EPHA3: variants seen among roughly 807,000 people sequenced by gnomAD.
EPHA3 encodes EPH receptor A3.
EPHA3 carries 42 observed loss-of-function variants against 107.1 expected under a neutral mutation model. The ratio of observed to expected loss-of-function variants is 0.39; its 90% confidence interval spans 0.31 to 0.51. The LOEUF is 0.51. Ranked by LOEUF, EPHA3 falls within the 20% of genes least tolerant of loss-of-function variation. EPHA3 has a pLI of 0.78. For synonymous variants in EPHA3, 461 were observed against 424.8 expected, an observed-to-expected ratio of 1.09 and a Z score of -1.05; for missense variants, 1,183 against 1,211.2, an observed-to-expected ratio of 0.98 and a Z score of 0.35.
At chr3:89,144,709 G>T (rs562197731) in intron 2 of EPHA3, among the ~76,000 whole-genome samples, 35 of 151,594 alleles carry the variant, frequency 2.3e-4, no homozygotes, top group Non-Finnish European at 3.7e-4. Flanking sequence ...TACTAGGCTT[G>T]CTCCTCGTTT....
intron 3 of EPHA3, among the ~76,000 whole-genome samples, chr3:89,257,204 C>G (rs1256170623): frequency 2.0e-5 from 3 of 152,186 alleles, no homozygotes; most frequent in Non-Finnish European, 4.4e-5. Flanking sequence ...CAGACCAAAA[C>G]ACTTGAGGCA....
chr3:89,151,924 A>G lies in EPHA3; in HGVS notation c.153+24651A>G, dbSNP rs548832344. On this transcript the variant is annotated intron_variant, in intron 2 of 16. Coordinates refer to ENST00000336596, the MANE Select transcript of EPHA3 (RefSeq NM_005233.6). ...TGTTTGCAATGATCCACTTACCTTT[A>G]CTCTTAGAAATAGTGAGAGGCCTTT... Among the ~76,000 whole-genome samples, 9 of 152,084 alleles carry G rather than the reference A, an allele frequency of 5.9e-5. No homozygotes were observed. In the South Asian group the frequency reaches 1.7e-3, roughly 28 times the overall value.
chr3:89,407,329 C>A lies in EPHA3; in HGVS notation c.1655C>A (p.Ala552Glu). 1 of 1,613,548 alleles carries A rather than the reference C, an allele frequency of 6.2e-7. No homozygotes were observed. Among genetic ancestry groups the A allele is most frequent in the Non-Finnish European group, 8.5e-7 (1 of 1,179,584 alleles). ...ATGATCGCCATTTCAGCGGCAGTAG[C>A]AATTATTCTCCTCACTGTTGTCATC... is the stretch of plus-strand genomic sequence containing the variant. ...VVMIAISAAV[A>E]IILLTVVIYV... Residue 552 changes from alanine to glutamate, a missense_variant, in exon 8 of 17, where the codon GCA becomes GAA. Coordinates refer to ENST00000336596, the MANE Select transcript of EPHA3 (RefSeq NM_005233.6).
chr3:89,355,237 T>A (rs1163127479), intron 5 of EPHA3, among the ~76,000 whole-genome samples: 1 of 151,226 alleles, frequency 6.6e-6, no homozygotes, highest in Admixed American at 6.6e-5. Flanking sequence ...TAAATATTCA[T>A]CTTGATCCCA....
chr3:89,480,466 C>T lies in EPHA3; in HGVS notation c.*964C>T, dbSNP rs566267247. The T allele has an allele frequency of 4.3e-6, 1 of 233,318 alleles. No individual in the cohort carries two copies. The highest frequency in any genetic ancestry group is 1.8e-4 in the South Asian group (1 of 5,518). The allele number at this position is 233,318 out of a possible 1,614,324, so 14.5% of individuals were successfully genotyped here. A position where few individuals can be genotyped will look rare whatever the true frequency, so the allele number is the denominator to read the frequency against. ...AATGGATTTTCAACCAGATAACATA[C>T]CTTTCCTGCTCTGGTGCTTAGAGAC... On this transcript the variant is annotated 3_prime_UTR_variant, in exon 17 of 17. Coordinates refer to ENST00000336596, the MANE Select transcript of EPHA3 (RefSeq NM_005233.6).
At chr3:89,161,419 T>G (rs140787566) in intron 2 of EPHA3, among the ~76,000 whole-genome samples, 1 of 152,316 alleles carries the variant, frequency 6.6e-6, no homozygotes, top group East Asian at 1.9e-4. Flanking sequence ...AACACCTGCT[T>G]TTATACAAAT....
At chr3:89,274,428 A>C (rs935021762) in intron 3 of EPHA3, among the ~76,000 whole-genome samples, 1 of 151,984 alleles carries the variant, frequency 6.6e-6, no homozygotes, top group African/African-American at 2.4e-5. Flanking sequence ...AGCAATAAGC[A>C]GTATATTTAG....
chr3:89,386,647 GAGA>G (rs1559675821), intron 5 of EPHA3, among the ~76,000 whole-genome samples: 1 of 152,224 alleles, frequency 6.6e-6, no homozygotes, highest in East Asian at 1.9e-4. Flanking sequence ...GTGAAGCTGT[GAGA>G]AGAAGGCCAC....
At chr3:89,375,231 A>G (rs1470891421) in intron 5 of EPHA3, among the ~76,000 whole-genome samples, 3 of 151,792 alleles carry the variant, frequency 2.0e-5, no homozygotes, top group Non-Finnish European at 4.4e-5. Context: ...GAAAACCCAA[A>G]TAAAGCTTTA....
chr3:89,367,875 G>A (rs1708214352), intron 5 of EPHA3, among the ~76,000 whole-genome samples: 1 of 150,432 alleles, frequency 6.6e-6, no homozygotes, highest in Non-Finnish European at 1.5e-5. Context: ...ACTCCCATAG[G>A]GCTACAGAAT....
chr3:89,419,177 A>G, intron 10 of EPHA3, 28 bp from the exon 11 acceptor site: 5 of 1,538,736 alleles, frequency 3.2e-6, no homozygotes, highest in Non-Finnish European at 4.4e-6. Flanking sequence ...AATTCCTTAC[A>G]TTTTGTTGCT....
At chr3:89,333,231 G>A (rs561773450) in intron 3 of EPHA3, among the ~76,000 whole-genome samples, 1 of 152,170 alleles carries the variant, frequency 6.6e-6, no homozygotes, top group Admixed American at 6.5e-5. Context: ...TTCAGAGCTG[G>A]CAGTTTGCTA....
chr3:89,311,530 A>G lies in EPHA3; in HGVS notation c.815-29386A>G, dbSNP rs559164272. On this transcript the variant is annotated intron_variant, in intron 3 of 16. Coordinates refer to ENST00000336596, the MANE Select transcript of EPHA3 (RefSeq NM_005233.6). Reference sequence around the variant, plus strand: ...CATGTACTTAGCCTGGAAAGAAATAAATTATAATCATAATTGAGTCAAGAT... The same window carrying G: ...CATGTACTTAGCCTGGAAAGAAATAGATTATAATCATAATTGAGTCAAGAT... 2.0e-5 allele frequency among the ~76,000 whole-genome samples: 3 copies of G among 152,118 alleles called. No individual in the cohort carries two copies. The South Asian group carries it at 6.2e-4, about 32-fold the overall frequency.
chr3:89,173,737 G>C (rs929715491), intron 2 of EPHA3, among the ~76,000 whole-genome samples: 4 of 151,828 alleles, frequency 2.6e-5, no homozygotes, highest in Non-Finnish European at 5.9e-5. Context: ...ATATGAGTCA[G>C]GCTGACTCTA....
chr3:89,151,975 GT>G (rs1442957323), intron 2 of EPHA3, among the ~76,000 whole-genome samples: 28 of 151,796 alleles, frequency 1.8e-4, no homozygotes, highest in Non-Finnish European at 2.8e-4. Context: ...ATAGCTTTTT[GT>G]TTTTTAAATT....
intron 13 of EPHA3, among the ~76,000 whole-genome samples, chr3:89,448,087 C>T (rs1183815388): frequency 6.6e-6 from 1 of 151,952 alleles, no homozygotes; most frequent in Non-Finnish European, 1.5e-5. Context: ...TCATAAGTGC[C>T]CTCCTCAGTC....
intron 3 of EPHA3, among the ~76,000 whole-genome samples, chr3:89,319,863 C>A (rs541041186): frequency 6.6e-6 from 1 of 151,974 alleles, no homozygotes; most frequent in African/African-American, 2.4e-5. Flanking sequence ...AATGTGCTTT[C>A]TATAACTAAT....
intron 2 of EPHA3, among the ~76,000 whole-genome samples, chr3:89,206,133 G>C (rs900837487): frequency 6.6e-6 from 1 of 152,046 alleles, no homozygotes; most frequent in African/African-American, 2.4e-5. Context: ...AAGCAATTTG[G>C]CCTTCATTAC....
At chr3:89,115,857 T>C (rs1707242561) in intron 1 of EPHA3, among the ~76,000 whole-genome samples, 1 of 152,302 alleles carries the variant, frequency 6.6e-6, no homozygotes, top group Admixed American at 6.5e-5. Flanking sequence ...TAGACACAAA[T>C]GACTATGAAC....
Sources: gnomAD v4.1 joint callset for allele counts (sites outside exome capture counted in the v4.1 genomes callset) on GRCh38, gnomAD v4.1.1 for gene constraint, MANE v1.5 for transcripts, NCBI Gene and HGNC (gene_info 2026-07-23, HGNC 2026-07-21) for gene names.